Variants in NTS observed in about 807,000 individuals in gnomAD.
NTS encodes the protein neurotensin/neuromedin N.
In NTS, 20 loss-of-function variants were observed where a neutral mutation model predicts 19.5. The observed-to-expected ratio is 1.02, with a 90% CI of 0.72 to 1.49. The LOEUF is 1.49. NTS is among the 40% of genes most tolerant of loss of function. NTS has a pLI of 0.00. For missense variants in NTS, 215 were observed against 193.1 expected (o/e 1.11, Z -0.67); for synonymous variants, 71 against 63.3 (o/e 1.12, Z -0.58).
intron 2 of NTS, chr12:85,877,942 T>C (rs2136590851): frequency 6.5e-6 from 1 of 153,600 alleles, no homozygotes; most frequent in African/African-American, 2.4e-5. Context: ...TTTGTAATTG[T>C]CCACATTTAA....
intron 1 of NTS, among the ~76,000 whole-genome samples, chr12:85,874,829 T>A (rs1881302585): frequency 6.6e-6 from 1 of 152,170 alleles, no homozygotes; most frequent in African/African-American, 2.4e-5. Flanking sequence ...AACCCATCAT[T>A]AAATCCCATT....
Position 85,878,531 on chromosome 12 carries a change from C to G in NTS, c.322C>G (p.His108Asp). 6.2e-7 allele frequency: 1 copy of G among 1,612,876 alleles called. No homozygotes were observed. The highest frequency in any genetic ancestry group is 1.7e-5 in the Admixed American group (1 of 59,918). The stretch of plus-strand genomic sequence containing the variant: ...AGCAATGTTGACAATATACCAGCTC[C>G]ACAAAATCTGTCACAGCAGGGCTTT... The part of the protein sequence containing the change: ...LEAMLTIYQL[H>D]KICHSRAFQH... The change falls in exon 3 of 4, where the codon CAC (histidine) becomes GAC (aspartate). Residue 108 changes from histidine (H) to aspartate (D), a missense_variant. By Grantham distance (81) the His-to-Asp change is moderately conservative. Coordinates refer to ENST00000256010, the MANE Select transcript of NTS (RefSeq NM_006183.5).
intron 3 of NTS, among the ~76,000 whole-genome samples, chr12:85,881,538 A>G (rs1592551477): frequency 6.6e-6 from 1 of 152,284 alleles, no homozygotes; most frequent in Admixed American, 6.5e-5. Context: ...TCATGATTTT[A>G]GGCAAGATTC....
intron 3 of NTS, among the ~76,000 whole-genome samples, chr12:85,879,250 A>T (rs1490775768): frequency 0.25 from 3 of 12 alleles, 1 homozygote; most frequent in Non-Finnish European, 0.25. Flanking sequence ...AAAATATATT[A>T]TACATAATTT....
intron 1 of NTS, among the ~76,000 whole-genome samples, chr12:85,875,492 T>A (rs755053425): frequency 6.6e-6 from 1 of 152,108 alleles, no homozygotes; most frequent in Non-Finnish European, 1.5e-5. Context: ...GATATAAATG[T>A]GATTTATACA....
At chr12:85,878,043 TA>T in intron 2 of NTS, 1 of 192,044 alleles carries the variant, frequency 5.2e-6, no homozygotes, top group Non-Finnish European at 1.1e-5. Flanking sequence ...TCATCTGTGA[TA>T]TATATATCAT....
chr12:85,881,672 C>G (rs998168704), intron 3 of NTS, among the ~76,000 whole-genome samples: 1 of 152,068 alleles, frequency 6.6e-6, no homozygotes, highest in African/African-American at 2.4e-5. Context: ...CTACAACTGA[C>G]GAAGTTGGAT....
intron 2 of NTS, 62 bp downstream of exon 2, chr12:85,876,763 G>T: frequency 2.3e-6 from 2 of 869,876 alleles, no homozygotes; most frequent in East Asian, 2.7e-5. Flanking sequence ...TATAAACATG[G>T]TATCCTTTTC....
At chr12:85,882,159 A>C in intron 3 of NTS, 64 bp from the exon 4 acceptor site, 1 of 1,300,076 alleles carries the variant, frequency 7.7e-7, no homozygotes, top group Non-Finnish European at 1.1e-6. Context: ...AGAATGTAGA[A>C]AAATGCTCTG....
rs776792397 is a variant in NTS, at chr12:85,874,442, A to G, written c.39A>G (p.Leu13=). The part of the protein sequence containing the change: ...AGMKIQLVCM[L]LLAFSSWSLC... ...TGAAAATCCAGCTTGTATGCATGCT[A>G]CTCCTGGCTTTCAGCTCCTGGAGTC... is the stretch of plus-strand genomic sequence containing the variant. The change falls in exon 1 of 4, where the codon CTA becomes CTG. Residue 13 remains leucine (L), a synonymous_variant. Transcript: ENST00000256010. 3.1e-6 allele frequency: 5 copies of G among 1,613,284 alleles called. No homozygotes were observed. In the East Asian group the frequency reaches 1.1e-4, roughly 36 times the overall value.
intron 3 of NTS, among the ~76,000 whole-genome samples, chr12:85,879,673 GTATATAAAA>G (rs1881453291): frequency 7.6e-6 from 1 of 131,282 alleles, no homozygotes; most frequent in African/African-American, 2.9e-5. Flanking sequence ...TATATTTTAT[GTATATAAAA>G]TATATTTTTT....
At chr12:85,875,725 G>A (rs1212997351) in intron 1 of NTS, among the ~76,000 whole-genome samples, 1 of 151,866 alleles carries the variant, frequency 6.6e-6, no homozygotes, top group East Asian at 1.9e-4. Flanking sequence ...AAGGATTTTG[G>A]TATACATTGT....
At chr12:85,879,850 A>G (rs1167795752) in intron 3 of NTS, among the ~76,000 whole-genome samples, 1 of 145,336 alleles carries the variant, frequency 6.9e-6, no homozygotes, top group South Asian at 2.1e-4. Flanking sequence ...ATTTTTATGT[A>G]TATTTACATA....
chr12:85,874,308 T>G lies in NTS; in HGVS notation c.-96T>G. On this transcript the variant is annotated 5_prime_UTR_variant, in exon 1 of 4. Coordinates refer to ENST00000256010, the MANE Select transcript of NTS (RefSeq NM_006183.5). ...AGAGCACCTCTCATAGTTCACTCAC[T>G]TTCAAAGCCAGCTGAAGGAAAGAGG... 1 of 853,122 alleles carries G rather than the reference T, an allele frequency of 1.2e-6. No individual in the cohort carries two copies. The highest frequency in any genetic ancestry group is 1.8e-5 in the Admixed American group (1 of 56,110). 52.8% of individuals were successfully genotyped at this position (853,122 alleles called of 1,614,324 possible). A position where few individuals can be genotyped will look rare whatever the true frequency, so the allele number is the denominator to read the frequency against.
chr12:85,881,932 G>C (rs537816370), intron 3 of NTS, among the ~76,000 whole-genome samples: 1 of 151,870 alleles, frequency 6.6e-6, no homozygotes, highest in Non-Finnish European at 1.5e-5. Flanking sequence ...ATTAGTGTAC[G>C]GCCTTGAAAT....
chr12:85,878,877 G>A (rs980986491), intron 3 of NTS, among the ~76,000 whole-genome samples: 2 of 151,712 alleles, frequency 1.3e-5, no homozygotes, highest in Non-Finnish European at 1.5e-5. Flanking sequence ...TGTAGGTGGT[G>A]GCATGTCTAA....
intron 3 of NTS, 117 bp from the exon 4 acceptor site, chr12:85,882,106 A>C: frequency 1.3e-6 from 1 of 761,222 alleles, no homozygotes; most frequent in South Asian, 1.8e-5. Context: ...TGTATCTCGT[A>C]TCTCACCTAC....
At position 85,878,356 on chromosome 12, in the gene NTS, A is replaced by C; in HGVS notation, c.147A>C (p.Ala49=). ...TNMHTSKISK[A]HVPSWKMTLL... The stretch of plus-strand genomic sequence containing the variant: ...TTAATATATTTCAGATTAGTAAAGC[A>C]CATGTTCCCTCTTGGAAGATGACTC... The change falls in exon 3 of 4, where the codon GCA becomes GCC. Residue 49 remains alanine, a synonymous_variant. Coordinates refer to ENST00000256010, the MANE Select transcript of NTS (RefSeq NM_006183.5). The C allele has an allele frequency of 6.2e-7, 1 of 1,601,706 alleles. No homozygotes were observed. The highest frequency in any genetic ancestry group is 8.5e-7 in the Non-Finnish European group (1 of 1,173,292).
chr12:85,880,106 T>C (rs1466723937), intron 3 of NTS, among the ~76,000 whole-genome samples: 1 of 151,090 alleles, frequency 6.6e-6, no homozygotes, highest in Non-Finnish European at 1.5e-5. Context: ...AAGGTATATA[T>C]AGTAAGGATA....
Sources: gnomAD v4.1 joint callset for allele counts (sites outside exome capture counted in the v4.1 genomes callset) on GRCh38, gnomAD v4.1.1 for gene constraint, MANE v1.5 for transcripts, NCBI Gene and HGNC (gene_info 2026-07-23, HGNC 2026-07-21) for gene names.